SULF2: variants seen among roughly 807,000 people sequenced by gnomAD.
SULF2 encodes extracellular sulfatase Sulf-2.
A neutral mutation model predicts 107.7 loss-of-function variants in SULF2; 52 were observed. The observed-to-expected ratio is 0.48, with a 90% CI of 0.39 to 0.61. The LOEUF is 0.61. SULF2 is among the 20% of genes least tolerant of loss of function. The pLI is 0.00. For synonymous variants in SULF2, 460 were observed against 464.3 expected, an observed-to-expected ratio of 0.99 and a Z score of 0.12; for missense variants, 993 against 1,177.3, an observed-to-expected ratio of 0.84 and a Z score of 2.29.
intron 3 of SULF2, among the ~76,000 whole-genome samples, chr20:47,711,242 T>C (rs2088918229): frequency 6.6e-6 from 1 of 152,244 alleles, no homozygotes; most frequent in Non-Finnish European, 1.5e-5. Flanking sequence ...CAGGTGGTAA[T>C]GTGGCAGAGT....
At chr20:47,735,637 A>G (rs980067951) in intron 3 of SULF2, among the ~76,000 whole-genome samples, 20 of 152,332 alleles carry the variant, frequency 1.3e-4, no homozygotes, top group African/African-American at 4.1e-4. Context: ...GCATAATGGC[A>G]CGCACAATAC....
At chr20:47,671,439 AT>A (rs1375481747) in intron 11 of SULF2, among the ~76,000 whole-genome samples, 2 of 151,702 alleles carry the variant, frequency 1.3e-5, no homozygotes, top group African/African-American at 2.4e-5. Flanking sequence ...CGCCCAACTA[AT>A]TTTTTGTATT....
In SULF2 at chr20:47,663,086, T is replaced by C. The variant is rs954160021; in HGVS notation, c.2354A>G (p.Asn785Ser). Residue 785 changes from asparagine (N) to serine (S), a missense_variant, in exon 17 of 21, where the codon AAC becomes AGC. Asn to Ser is a conservative substitution (Grantham distance 46, BLOSUM62 1). This residue lies in a region of SULF2 where 497 missense variants were observed against 544.1 expected (regional missense o/e 0.91). Coordinates refer to ENST00000688720, the MANE Select transcript of SULF2 (RefSeq NM_001387048.1). Reference sequence around the variant, plus strand: ...TGCCTGTACCTGGTAGGGGTCTGTGTTGAGATCAAAGTACTCTAGGAAGCC... The same window carrying C: ...TGCCTGTACCTGGTAGGGGTCTGTGCTGAGATCAAAGTACTCTAGGAAGCC... ...ATGFLEYFDL[N>S]TDPYQLMNAV... 3.1e-6 allele frequency: 5 copies of C among 1,614,044 alleles called. No homozygotes were observed. The highest frequency in any genetic ancestry group is 2.7e-5 in the African/African-American group (2 of 74,928).
Position 47,759,802 on chromosome 20 carries a change from C to T in SULF2, c.-100-2339G>A, listed in dbSNP as rs576074309. On this transcript the variant is annotated intron_variant, in intron 1 of 20. Transcript: ENST00000688720. Reference sequence around the variant, plus strand: ...CCTGCCCTGGCCACCCTATTTAAAGCGGGGGCCCCCAACCCAGGCACTCTG... The same window carrying T: ...CCTGCCCTGGCCACCCTATTTAAAGTGGGGGCCCCCAACCCAGGCACTCTG... 5.3e-4 allele frequency among the ~76,000 whole-genome samples: 81 copies of T among 152,322 alleles called. 1 individual carries two copies. The highest frequency in any genetic ancestry group is 4.2e-3 in the Admixed American group (64 of 15,306).
At chr20:47,713,576 G>A (rs1056154859) in intron 3 of SULF2, among the ~76,000 whole-genome samples, 1 of 151,904 alleles carries the variant, frequency 6.6e-6, no homozygotes, top group Middle Eastern at 3.2e-3. Context: ...CAACAAATGA[G>A]ATTGTGCATA....
intron 2 of SULF2, among the ~76,000 whole-genome samples, chr20:47,744,215 CTCTG>C (rs1386162932): frequency 2.0e-5 from 3 of 152,076 alleles, no homozygotes; most frequent in Admixed American, 6.6e-5. Flanking sequence ...TGGAGTCTCC[CTCTG>C]TCTTTCAGGC....
At chr20:47,720,464 G>A (rs1243799187) in intron 3 of SULF2, among the ~76,000 whole-genome samples, 1 of 151,696 alleles carries the variant, frequency 6.6e-6, no homozygotes, top group Non-Finnish European at 1.5e-5. Context: ...CACCATGTTG[G>A]CCAGGCTGGT....
intron 5 of SULF2, 22 bp downstream of exon 5, chr20:47,690,104 C>T: frequency 7.2e-7 from 1 of 1,393,188 alleles, no homozygotes; most frequent in Non-Finnish European, 9.4e-7. Context: ...GTGCCTCTGG[C>T]AGGCAGAGTG....
At chr20:47,693,511 G>A (rs1296259770) in intron 4 of SULF2, among the ~76,000 whole-genome samples, 1 of 152,210 alleles carries the variant, frequency 6.6e-6, no homozygotes, top group East Asian at 1.9e-4. Context: ...GATATACAAT[G>A]GGATTCTAAA....
At chr20:47,767,213 C>T (rs2090544470) in intron 1 of SULF2, among the ~76,000 whole-genome samples, 1 of 152,222 alleles carries the variant, frequency 6.6e-6, no homozygotes. Context: ...CACTTGCCTA[C>T]AGAGTGGATG....
intron 1 of SULF2, among the ~76,000 whole-genome samples, chr20:47,759,807 G>T (rs1035631649): frequency 1.3e-4 from 20 of 152,186 alleles, no homozygotes; most frequent in Admixed American, 9.2e-4. Context: ...TAAAGCGGGG[G>T]CCCCCAACCC....
At chr20:47,662,815 T>C (rs2087121621) in intron 17 of SULF2, among the ~76,000 whole-genome samples, 1 of 123,332 alleles carries the variant, frequency 8.1e-6, no homozygotes, top group Admixed American at 8.0e-5. Context: ...GCATGCTGCA[T>C]GTTAAGTTAG....
chr20:47,735,474 A>G (rs1568877138), intron 3 of SULF2, among the ~76,000 whole-genome samples: 1 of 152,204 alleles, frequency 6.6e-6, no homozygotes, highest in African/African-American at 2.4e-5. Context: ...TGCATCTTCA[A>G]TAAGGGCCCA....
chr20:47,694,002 C>T lies in SULF2; in HGVS notation c.568-3707G>A, dbSNP rs542487198. ...GGGCAGATTTCTCCATGTCTGAGAG[C>T]TCCCCTCCTTATCCATCCTCCTCAG... On this transcript the variant is annotated intron_variant, in intron 4 of 20. Coordinates refer to ENST00000688720, the MANE Select transcript of SULF2 (RefSeq NM_001387048.1). This position sits in a 1 kb window ranked among gnomAD's most constrained non-coding sequence, Gnocchi z 4.4. 6.6e-6 allele frequency among the ~76,000 whole-genome samples: 1 copy of T among 152,324 alleles called. No homozygotes were observed. Among genetic ancestry groups the T allele is most frequent in the East Asian group, 1.9e-4 (1 of 5,186 alleles).
At chr20:47,675,909 C>T (rs965969087) in intron 10 of SULF2, among the ~76,000 whole-genome samples, 1 of 152,110 alleles carries the variant, frequency 6.6e-6, no homozygotes, top group Non-Finnish European at 1.5e-5. Context: ...ATTCTGTCAC[C>T]CAAGCTGGAG....
chr20:47,720,707 G>A (rs1241152085), intron 3 of SULF2, among the ~76,000 whole-genome samples: 1 of 152,114 alleles, frequency 6.6e-6, no homozygotes, highest in East Asian at 1.9e-4. Context: ...TTGGCCCCCA[G>A]GGTCACAAAA....
At chr20:47,670,860 T>C (rs554786819) in intron 11 of SULF2, among the ~76,000 whole-genome samples, 84 of 151,974 alleles carry the variant, frequency 5.5e-4, no homozygotes, top group African/African-American at 2.0e-3. Flanking sequence ...AGATGATAAA[T>C]TTTATGGGAA....
At chr20:47,755,689 C>T (rs1377399312) in intron 2 of SULF2, among the ~76,000 whole-genome samples, 2 of 152,188 alleles carry the variant, frequency 1.3e-5, no homozygotes, top group African/African-American at 2.4e-5. Flanking sequence ...GCCCTTACCC[C>T]TGCGATTTAA....
chr20:47,666,636 C>G lies in SULF2; in HGVS notation c.1577-148G>C. ...GACTCGAGGGGTCGTGGAATCTACC[C>G]GCCTGCTCGCAGATCCTGGACCGCA... On this transcript the variant is annotated intron_variant, in intron 11 of 20. Coordinates refer to ENST00000688720, the MANE Select transcript of SULF2 (RefSeq NM_001387048.1). This position sits in a 1 kb window ranked among gnomAD's most constrained non-coding sequence, Gnocchi z 5.4. The G allele has an allele frequency of 1.5e-6, 1 of 661,242 alleles. No homozygotes were observed. Among genetic ancestry groups the G allele is most frequent in the Admixed American group, 2.8e-5 (1 of 35,588 alleles). 41.0% of individuals were successfully genotyped at this position (661,242 alleles called of 1,614,324 possible). A position where few individuals can be genotyped will look rare whatever the true frequency, so the allele number is the denominator to read the frequency against.
Sources: gnomAD v4.1 joint callset for allele counts (sites outside exome capture counted in the v4.1 genomes callset) on GRCh38, gnomAD v4.1.1 for gene constraint, gnomAD v4.1.1 regional missense constraint, Gnocchi (gnomAD v3.1) non-coding constraint, MANE v1.5 for transcripts, NCBI Gene and HGNC (gene_info 2026-07-23, HGNC 2026-07-21) for gene names.